Variants in NPSR1 observed in about 807,000 individuals in gnomAD.
NPSR1 encodes the protein neuropeptide S receptor 1.
NPSR1 carries 48 observed loss-of-function variants against 46.9 expected under a neutral mutation model. The ratio of observed to expected loss-of-function variants is 1.02; its 90% CI spans 0.81 to 1.30. The LOEUF is 1.30. Among genes scored for constraint, NPSR1 ranks in the 50% most tolerant of loss-of-function variants. The probability of loss-of-function intolerance (pLI) is 0.00; values close to 1 mark genes in which losing one functional copy is unlikely to be tolerated. For synonymous variants in NPSR1, 176 were observed against 168.1 expected (o/e 1.05, Z -0.36); for missense variants, 450 against 449.5 (o/e 1.00, Z -0.01).
At chr7:34,775,596 A>C (rs764356760) in intron 2 of NPSR1, among the ~76,000 whole-genome samples, 6 of 152,204 alleles carry the variant, frequency 3.9e-5, no homozygotes, top group Admixed American at 1.3e-4. Flanking sequence ...CAATTTATTT[A>C]CAATTTATTT....
intron 1 of NPSR1, among the ~76,000 whole-genome samples, chr7:34,667,068 T>G (rs574205824): frequency 6.6e-6 from 1 of 152,386 alleles, no homozygotes; most frequent in Admixed American, 6.5e-5. Context: ...TTGCTCATTT[T>G]TTCATGATGG....
chr7:34,674,483 T>C (rs1218066077), intron 1 of NPSR1, among the ~76,000 whole-genome samples: 4 of 152,200 alleles, frequency 2.6e-5, no homozygotes, highest in Non-Finnish European at 5.9e-5. Flanking sequence ...CCTCAGAGCC[T>C]GGTGCTGTGA....
intron 2 of NPSR1, among the ~76,000 whole-genome samples, chr7:34,707,591 T>C (rs954520629): frequency 6.6e-6 from 1 of 152,188 alleles, no homozygotes; most frequent in African/African-American, 2.4e-5. Flanking sequence ...TGGTTCCAGG[T>C]GCTAAGGACC....
In NPSR1 at chr7:34,659,868, C is replaced by G. The variant is rs34973880; in HGVS notation, c.147+1309C>G. ...GTGTGCACCCAGGAAGCACAGGACT[C>G]CACTCAGTATTGCTGCCTGTGTAGC... On this transcript the variant is annotated intron_variant, in intron 1 of 8. Coordinates refer to ENST00000360581, the MANE Select transcript of NPSR1 (RefSeq NM_207172.2). Among the ~76,000 whole-genome samples the G allele has an allele frequency of 9.5e-3, 1,443 of 152,246 alleles. 23 individuals are homozygous for G. The highest frequency in any genetic ancestry group is 0.033 in the African/African-American group (1,386 of 41,542).
intron 2 of NPSR1, among the ~76,000 whole-genome samples, chr7:34,701,572 T>G (rs1005220061): frequency 6.6e-6 from 1 of 152,218 alleles, no homozygotes; most frequent in African/African-American, 2.4e-5. Flanking sequence ...ATGCCTTCTC[T>G]CTTATTAATC....
chr7:34,742,613 G>A (rs1470169140), intron 2 of NPSR1, among the ~76,000 whole-genome samples: 1 of 152,162 alleles, frequency 6.6e-6, no homozygotes, highest in Non-Finnish European at 1.5e-5. Flanking sequence ...CTTGTGAATA[G>A]TACTGCAATG....
intron 4 of NPSR1, among the ~76,000 whole-genome samples, chr7:34,812,216 A>C (rs181963311): frequency 1.3e-4 from 20 of 152,292 alleles, no homozygotes; most frequent in Admixed American, 6.5e-4. Context: ...GTCCAAAGAA[A>C]TGAACTCTCC....
At chr7:34,818,736 A>G (rs1201845042) in intron 4 of NPSR1, among the ~76,000 whole-genome samples, 1 of 152,198 alleles carries the variant, frequency 6.6e-6, no homozygotes, top group African/African-American at 2.4e-5. Flanking sequence ...GACCAATGGA[A>G]CAGAACAGAG....
intron 4 of NPSR1, among the ~76,000 whole-genome samples, chr7:34,814,948 C>T (rs1789170549): frequency 6.6e-6 from 1 of 152,160 alleles, no homozygotes; most frequent in African/African-American, 2.4e-5. Flanking sequence ...GATAAAACCA[C>T]AAAGATGGGG....
intron 2 of NPSR1, among the ~76,000 whole-genome samples, chr7:34,759,281 AATG>A (rs755386433): frequency 6.6e-6 from 1 of 152,284 alleles, no homozygotes; most frequent in East Asian, 1.9e-4. Context: ...AAGGTTTCCA[AATG>A]ATGATTTTCT....
intron 2 of NPSR1, among the ~76,000 whole-genome samples, chr7:34,709,057 AG>A (rs1190720097): frequency 2.6e-5 from 4 of 152,282 alleles, no homozygotes; most frequent in African/African-American, 9.6e-5. Context: ...CTTGCCTGTG[AG>A]GGAAAAAGGA....
chr7:34,704,013 C>G (rs1250453203), intron 2 of NPSR1: 3 of 152,192 alleles, frequency 2.0e-5, no homozygotes, highest in Non-Finnish European at 4.4e-5. Context: ...CTTCAAAGCA[C>G]TTTCTGAAGA....
chr7:34,824,854 C>G (rs1436556773), intron 4 of NPSR1, among the ~76,000 whole-genome samples: 1 of 152,148 alleles, frequency 6.6e-6, no homozygotes, highest in Non-Finnish European at 1.5e-5. Context: ...AGAAACCCAT[C>G]AGGCTTCACA....
chr7:34,791,467 C>A (rs1787877904), intron 3 of NPSR1, among the ~76,000 whole-genome samples: 1 of 149,826 alleles, frequency 6.7e-6, no homozygotes. Context: ...ACAATAACTC[C>A]AAAAAGAATA....
intron 1 of NPSR1, among the ~76,000 whole-genome samples, chr7:34,662,067 G>A (rs937538866): frequency 5.9e-5 from 9 of 152,148 alleles, no homozygotes; most frequent in African/African-American, 9.7e-5. Flanking sequence ...AAGTAACTGG[G>A]AGGGAGACCT....
chr7:34,750,971 T>G, intron 2 of NPSR1: 2 of 765,888 alleles, frequency 2.6e-6, no homozygotes, highest in Non-Finnish European at 4.9e-6. Context: ...GACTATAGAT[T>G]GCATTGCCCT....
intron 2 of NPSR1, among the ~76,000 whole-genome samples, chr7:34,722,112 A>T (rs1783887755): frequency 2.0e-5 from 3 of 152,182 alleles, no homozygotes; most frequent in South Asian, 2.1e-4. Context: ...TAGTAAAAAA[A>T]AATTCCCAAT....
At chr7:34,865,698 G>A (rs1363307258) in intron 8 of NPSR1, among the ~76,000 whole-genome samples, 1 of 151,682 alleles carries the variant, frequency 6.6e-6, no homozygotes, top group Non-Finnish European at 1.5e-5. Context: ...AGACAGAGGG[G>A]CACTACATTT....
At chr7:34,878,190 C>T in exon 9 of NPSR1, 2 of 1,544,078 alleles carry the variant, frequency 1.3e-6, no homozygotes, top group Non-Finnish European at 1.8e-6. Context: ...GGTGACAGCT[C>T]TCACCCTGTG....
Sources: allele counts gnomAD v4.1 joint callset (sites outside exome capture counted in the v4.1 genomes callset), GRCh38; gene constraint gnomAD v4.1.1; transcripts MANE v1.5; gene names NCBI Gene and HGNC (gene_info 2026-07-23, HGNC 2026-07-21).